The following ABCG1 variants were observed in gnomAD, a reference collection of about 807,000 sequenced individuals.
ABCG1 encodes the protein ATP-binding cassette sub-family G member 1.
A neutral mutation model predicts 69.2 loss-of-function variants in ABCG1; 29 were observed. That is an observed-to-expected ratio of 0.42 (90% CI 0.31 to 0.57). ABCG1 has a LOEUF of 0.57. Among genes scored for constraint, ABCG1 ranks in the 20% least tolerant of loss-of-function variants. ABCG1 has a pLI of 0.15. For synonymous variants in ABCG1, 370 were observed against 374.8 expected (o/e 0.99, Z 0.15); for missense variants, 718 against 898.1 (o/e 0.80, Z 2.56).
intron 2 of ABCG1, among the ~76,000 whole-genome samples, chr21:42,236,782 G>T (rs1260337207): frequency 6.6e-6 from 1 of 152,182 alleles, no homozygotes; most frequent in Non-Finnish European, 1.5e-5. Flanking sequence ...AGAAGGAAGG[G>T]TACATCTATG....
At chr21:42,290,842 T>C (rs1361771447) in intron 11 of ABCG1, among the ~76,000 whole-genome samples, 1 of 152,208 alleles carries the variant, frequency 6.6e-6, no homozygotes, top group Non-Finnish European at 1.5e-5. Flanking sequence ...CTTGCCTTCA[T>C]CACTAAGATG....
Position 42,287,997 on chromosome 21 carries a change from C to T in ABCG1, c.1082C>T (p.Ala361Val). ...CACAAGAGAGACCTCGGGGGTGATG[C>T]CGAGGTGAACCCTTTTCTTTGGCAC... is the stretch of plus-strand genomic sequence containing the variant. ...SDHKRDLGGD[A>V]EVNPFLWHRP... Residue 361 changes from alanine to valine, a missense_variant, in exon 9 of 15, where the codon GCC becomes GTC. Physicochemically the swap from Ala to Val is moderately conservative, Grantham distance 64. Around this residue, in one of 2 missense-constraint regions of ABCG1, gnomAD observed 514 missense variants for 574.3 expected, o/e 0.90. Transcript: ENST00000398449. The surrounding 1 kb of genome is among the most constrained non-coding windows in gnomAD (Gnocchi z 6.2). 1 of 1,613,126 alleles carries T rather than the reference C, an allele frequency of 6.2e-7. No homozygotes were observed. The highest frequency in any genetic ancestry group is 1.1e-5 in the South Asian group (1 of 90,960).
intron 2 of ABCG1, among the ~76,000 whole-genome samples, chr21:42,230,747 A>G (rs1349797012): frequency 6.6e-6 from 1 of 152,226 alleles, no homozygotes; most frequent in African/African-American, 2.4e-5. Context: ...CCCATCCCCC[A>G]GGAGATCCCG....
chr21:42,293,609 C>CCA (rs746865534), intron 13 of ABCG1, among the ~76,000 whole-genome samples: 1 of 139,198 alleles, frequency 7.2e-6, no homozygotes, highest in African/African-American at 2.7e-5. Flanking sequence ...ACAGTACACA[C>CCA]CACACTACAC....
intron 13 of ABCG1, among the ~76,000 whole-genome samples, chr21:42,293,587 A>C (rs957893915): frequency 7.7e-6 from 1 of 129,766 alleles, no homozygotes; most frequent in African/African-American, 2.9e-5. Flanking sequence ...CACTACACAC[A>C]TACCACACTA....
At chr21:42,248,826 C>G (rs2068175308) in intron 2 of ABCG1, among the ~76,000 whole-genome samples, 1 of 149,778 alleles carries the variant, frequency 6.7e-6, no homozygotes, top group South Asian at 2.1e-4. Flanking sequence ...ACTTTTTGAG[C>G]CAGGGAGATT....
intron 13 of ABCG1, among the ~76,000 whole-genome samples, chr21:42,292,612 C>T (rs2069085560): frequency 1.3e-5 from 2 of 151,696 alleles, no homozygotes; most frequent in African/African-American, 4.9e-5. Context: ...ACACACTACA[C>T]ACCACACACT....
In ABCG1 at chr21:42,296,436, G is replaced by A. The variant is rs777906667; in HGVS notation, c.*44G>A. The A allele has an allele frequency of 1.2e-5, 19 of 1,551,602 alleles. No individual in the cohort carries two copies. The highest frequency in any genetic ancestry group is 4.1e-5 in the African/African-American group (3 of 73,758). Reference sequence around the variant, plus strand: ...AACAGGAAGATTAGACACTGTGGCCGAGGGCACGTCTAGAATCGAGGAGGC... The same window carrying A: ...AACAGGAAGATTAGACACTGTGGCCAAGGGCACGTCTAGAATCGAGGAGGC... On this transcript the variant is annotated 3_prime_UTR_variant, in exon 15 of 15. Coordinates refer to ENST00000398449, the MANE Select transcript of ABCG1 (RefSeq NM_016818.3). This position sits in a 1 kb window ranked among gnomAD's most constrained non-coding sequence, Gnocchi z 5.4.
At chr21:42,203,052 C>T (rs1457559097) in intron 2 of ABCG1, among the ~76,000 whole-genome samples, 1 of 152,192 alleles carries the variant, frequency 6.6e-6, no homozygotes, top group Non-Finnish European at 1.5e-5. Context: ...GGAAGGACAG[C>T]TTTTCCAGCA....
intron 2 of ABCG1, among the ~76,000 whole-genome samples, chr21:42,266,907 T>C (rs1466267939): frequency 6.6e-6 from 1 of 152,138 alleles, no homozygotes; most frequent in Non-Finnish European, 1.5e-5. Context: ...TCAGACCCCA[T>C]TCTCTCCTCT....
rs908748340 is a variant in ABCG1, at chr21:42,287,775, C to T, written c.974-114C>T. 68 of 1,104,022 alleles carry T rather than the reference C, an allele frequency of 6.2e-5. No homozygotes were observed. The highest frequency in any genetic ancestry group is 8.3e-5 in the Non-Finnish European group (65 of 780,792). 68.4% of individuals were successfully genotyped at this position (1,104,022 alleles called of 1,614,324 possible). ...ACGTCATGCCATTAGCACCGCCACG[C>T]AGCATCTATGTAATCGCTTTAAAAC... On this transcript the variant is annotated intron_variant, in intron 8 of 14. Coordinates refer to ENST00000398449, the MANE Select transcript of ABCG1 (RefSeq NM_016818.3). The surrounding 1 kb of genome is among the most constrained non-coding windows in gnomAD (Gnocchi z 6.2).
At chr21:42,227,506 C>T (rs903958916) in intron 2 of ABCG1, among the ~76,000 whole-genome samples, 1 of 152,128 alleles carries the variant, frequency 6.6e-6, no homozygotes, top group African/African-American at 2.4e-5. Context: ...GTAGAAAATG[C>T]TGGGAAAGGT....
chr21:42,279,739 G>A (rs760346682), intron 5 of ABCG1, among the ~76,000 whole-genome samples: 6 of 152,260 alleles, frequency 3.9e-5, no homozygotes, highest in African/African-American at 1.4e-4. Context: ...CGCACAGTGA[G>A]TGCTGCTCAG....
At chr21:42,256,854 A>G (rs1217358943) in intron 2 of ABCG1, among the ~76,000 whole-genome samples, 1 of 152,172 alleles carries the variant, frequency 6.6e-6, no homozygotes, top group Admixed American at 6.5e-5. Context: ...CAGGATTCTT[A>G]ATTCACGTGG....
intron 2 of ABCG1, among the ~76,000 whole-genome samples, chr21:42,210,847 A>C (rs968920207): frequency 8.5e-5 from 13 of 152,202 alleles, no homozygotes; most frequent in Non-Finnish European, 1.9e-4. Flanking sequence ...CTGGCTCACC[A>C]GAGGAAGCGA....
chr21:42,212,410 G>T (rs979370533), upstream of ABCG1, among the ~76,000 whole-genome samples: 5 of 152,166 alleles, frequency 3.3e-5, no homozygotes, highest in African/African-American at 1.2e-4. Context: ...TATGTAAGTG[G>T]CTGTGATCAG....
chr21:42,226,178 C>T (rs183744257), intron 2 of ABCG1, among the ~76,000 whole-genome samples: 8 of 152,278 alleles, frequency 5.3e-5, no homozygotes, highest in African/African-American at 1.7e-4. Flanking sequence ...CAAAGATTGA[C>T]GGGTGTCAAA....
At chr21:42,218,981 C>G (rs1396722297), upstream of ABCG1, 9 of 220,254 alleles carry the variant, frequency 4.1e-5, no homozygotes, top group East Asian at 7.3e-4. Context: ...GGGCCGCTCC[C>G]GGAACCTGCA....
intron 1 of ABCG1, among the ~76,000 whole-genome samples, chr21:42,222,544 C>G (rs1342482243): frequency 2.0e-5 from 3 of 152,222 alleles, no homozygotes; most frequent in Non-Finnish European, 4.4e-5. Flanking sequence ...GGCTTGTGGT[C>G]TCAGACCTGG....
Sources: gnomAD v4.1 joint callset for allele counts (sites outside exome capture counted in the v4.1 genomes callset) on GRCh38, gnomAD v4.1.1 for gene constraint, gnomAD v4.1.1 regional missense constraint, Gnocchi (gnomAD v3.1) non-coding constraint, MANE v1.5 for transcripts, NCBI Gene and HGNC (gene_info 2026-07-23, HGNC 2026-07-21) for gene names.